The following LRRC37A2 variants were observed in gnomAD, a reference collection of about 807,000 sequenced individuals.
The protein encoded by LRRC37A2 is leucine rich repeat containing 37 member A2.
Under a neutral mutation model 68.8 loss-of-function variants are expected in LRRC37A2, and 9 were observed. The ratio of observed to expected loss-of-function variants is 0.13; its 90% confidence interval spans 0.08 to 0.23. The LOEUF is 0.23. Ranked by LOEUF, LRRC37A2 falls within the 10% of genes least tolerant of loss-of-function variation. The pLI, the probability that LRRC37A2 is intolerant of heterozygous loss-of-function variation, is 1.00. For missense variants in LRRC37A2, 168 were observed against 950.4 expected, an observed-to-expected ratio of 0.18 and a Z score of 10.82; for synonymous variants, 63 against 367.6, an observed-to-expected ratio of 0.17 and a Z score of 9.48.
At chr17:47,022,207 G>T in the LRRC37A2 span, among the ~76,000 whole-genome samples, 95 of 50,784 alleles carry the variant, frequency 1.9e-3, no homozygotes, top group Middle Eastern at 0.014. Flanking sequence ...TTCTTACTTT[G>T]TCCTCTGGGC....
chr17:46,823,846 G>A, the LRRC37A2 span, among the ~76,000 whole-genome samples: 1 of 152,218 alleles, frequency 6.6e-6, no homozygotes, highest in Non-Finnish European at 1.5e-5. Context: ...TGAGTCCCTG[G>A]CTTCGGTTGT....
the LRRC37A2 span, among the ~76,000 whole-genome samples, chr17:46,788,840 C>G: frequency 6.6e-6 from 1 of 152,212 alleles, no homozygotes. Context: ...ATCCCACAGG[C>G]TGTCTCCACG....
At chr17:46,831,346 T>C in the LRRC37A2 span, 1 of 152,250 alleles carries the variant, frequency 6.6e-6, no homozygotes, top group Non-Finnish European at 1.5e-5. Context: ...CTGCTCTGCC[T>C]CAAGGTACCA....
At chr17:46,932,300 G>A in the LRRC37A2 span, 1 of 1,381,480 alleles carries the variant, frequency 7.2e-7, no homozygotes, top group Non-Finnish European at 1.0e-6. Flanking sequence ...GTCTGAAGAA[G>A]ACTGATGATG....
the LRRC37A2 span, among the ~76,000 whole-genome samples, chr17:46,982,874 G>C: frequency 6.6e-6 from 1 of 152,210 alleles, no homozygotes; most frequent in Non-Finnish European, 1.5e-5. Context: ...CTCAAAGGCA[G>C]GCCGAGGGGA....
the LRRC37A2 span, among the ~76,000 whole-genome samples, chr17:46,390,285 G>A: frequency 1.2e-5 from 1 of 85,890 alleles, no homozygotes; most frequent in East Asian, 2.2e-4. Flanking sequence ...TTGGGGTGGG[G>A]GAAGCGCCTT....
chr17:46,721,768 C>G, the LRRC37A2 span: 1 of 1,602,028 alleles, frequency 6.2e-7, no homozygotes, highest in Non-Finnish European at 8.5e-7. Context: ...TTGGGAAGAC[C>G]AAGTCCTCAA....
chr17:46,409,352 A>G, the LRRC37A2 span, among the ~76,000 whole-genome samples: 1 of 142,262 alleles, frequency 7.0e-6, no homozygotes, highest in Non-Finnish European at 1.5e-5. Context: ...GCTGGAGTGC[A>G]GTGGCACGAT....
chr17:46,799,446 C>CTTTT, the LRRC37A2 span, among the ~76,000 whole-genome samples: 1 of 121,562 alleles, frequency 8.2e-6, no homozygotes, highest in Admixed American at 8.6e-5. Flanking sequence ...ATTATTTCTA[C>CTTTT]TTTTTTTTTT....
the LRRC37A2 span, among the ~76,000 whole-genome samples, chr17:46,949,653 C>T: frequency 2.6e-5 from 4 of 152,192 alleles, no homozygotes; most frequent in Non-Finnish European, 2.9e-5. Context: ...GTGCACAAAC[C>T]GTCACACAGG....
the LRRC37A2 span, among the ~76,000 whole-genome samples, chr17:46,849,890 C>T: frequency 6.7e-6 from 1 of 149,370 alleles, no homozygotes; most frequent in Non-Finnish European, 1.5e-5. Flanking sequence ...TTCTATTGCC[C>T]AGGCCAGAGT....
chr17:46,548,542 A>G, exon 10 of LRRC37A2: 1 of 1,459,838 alleles, frequency 6.9e-7, no homozygotes, highest in Middle Eastern at 2.5e-4. Flanking sequence ...CCTAGATGTG[A>G]AATCACTGTT....
the LRRC37A2 span, among the ~76,000 whole-genome samples, chr17:46,497,187 C>G: frequency 7.9e-6 from 1 of 126,982 alleles, no homozygotes; most frequent in African/African-American, 3.2e-5. Context: ...AGCCACCATA[C>G]TTGGCCATAT....
At chr17:46,895,371 C>T in the LRRC37A2 span, among the ~76,000 whole-genome samples, 51 of 152,238 alleles carry the variant, frequency 3.4e-4, no homozygotes, top group Non-Finnish European at 6.0e-4. Context: ...CTGGGCTGTA[C>T]GAGTCAAATC....
At chr17:46,854,969 C>T in the LRRC37A2 span, among the ~76,000 whole-genome samples, 86 of 152,192 alleles carry the variant, frequency 5.7e-4, no homozygotes, top group Non-Finnish European at 1.1e-3. Context: ...CCATCACTTT[C>T]TCATACAGCC....
At chr17:46,808,884 A>G in the LRRC37A2 span, among the ~76,000 whole-genome samples, 1 of 152,146 alleles carries the variant, frequency 6.6e-6, no homozygotes, top group Non-Finnish European at 1.5e-5. Context: ...CAGCCTGCTC[A>G]GGTCGAGGGG....
chr17:46,874,873 C>T, the LRRC37A2 span: 1 of 680,012 alleles, frequency 1.5e-6, no homozygotes, highest in Non-Finnish European at 2.6e-6. Context: ...CCACTGTGCC[C>T]AGCCTGGAAG....
At chr17:46,793,678 C>T in the LRRC37A2 span, among the ~76,000 whole-genome samples, 1 of 152,202 alleles carries the variant, frequency 6.6e-6, no homozygotes, top group South Asian at 2.1e-4. Flanking sequence ...AGACAACACA[C>T]CCAGCAGATG....
At chr17:46,747,623 A>T in the LRRC37A2 span, among the ~76,000 whole-genome samples, 4 of 152,332 alleles carry the variant, frequency 2.6e-5, no homozygotes, top group South Asian at 8.3e-4. Flanking sequence ...GGATGCAATT[A>T]AAAAAGAAAA....
Sources: gnomAD v4.1 joint callset for allele counts (sites outside exome capture counted in the v4.1 genomes callset) on GRCh38, gnomAD v4.1.1 for gene constraint, MANE v1.5 for transcripts, NCBI Gene and HGNC (gene_info 2026-07-23, HGNC 2026-07-21) for gene names.